The following LRRK1 variants were observed in gnomAD, a reference collection of about 807,000 sequenced individuals.
LRRK1 encodes the protein leucine rich repeat kinase 1.
In LRRK1, 113 loss-of-function variants were observed where a neutral mutation model predicts 209.1. The observed-to-expected ratio is 0.54, with a 90% CI of 0.46 to 0.63. The LOEUF (loss-of-function observed/expected upper bound fraction) is 0.63. LRRK1 is among the 30% of genes least tolerant of loss of function. The pLI is 0.00. For synonymous variants in LRRK1, 1,144 were observed against 1,099.7 expected, an observed-to-expected ratio of 1.04 and a Z score of -0.80; for missense variants, 2,284 against 2,632.2, an observed-to-expected ratio of 0.87 and a Z score of 2.89.
chr15:100,975,054 G>T (rs2031209508), intron 3 of LRRK1, among the ~76,000 whole-genome samples: 1 of 152,238 alleles, frequency 6.6e-6, no homozygotes, highest in Non-Finnish European at 1.5e-5. Flanking sequence ...CTTGGGAATT[G>T]TTAAGCAGAA....
intron 4 of LRRK1, among the ~76,000 whole-genome samples, chr15:100,986,768 G>A (rs921025469): frequency 6.6e-6 from 1 of 152,166 alleles, no homozygotes; most frequent in East Asian, 1.9e-4. Flanking sequence ...AAGTAAACAA[G>A]CCTGTTTAAG....
intron 10 of LRRK1, among the ~76,000 whole-genome samples, chr15:101,014,099 G>A (rs886266482): frequency 2.0e-5 from 3 of 152,086 alleles, no homozygotes; most frequent in African/African-American, 7.2e-5. Context: ...CTTTGAGGGA[G>A]GAGCTCCTGT....
chr15:100,999,744 T>G lies in LRRK1; in HGVS notation c.763-9093T>G, dbSNP rs148919513. The stretch of plus-strand genomic sequence containing the variant: ...CCTTGTTTGTTTCATACAATGTTTG[T>G]TTTTTCTCTGATCGTGTCACTGATG... On this transcript the variant is annotated intron_variant, in intron 6 of 33. Coordinates refer to ENST00000388948, the MANE Select transcript of LRRK1 (RefSeq NM_024652.6). 7.5e-3 allele frequency among the ~76,000 whole-genome samples: 1,137 copies of G among 152,374 alleles called. 14 individuals are homozygous for G. Among genetic ancestry groups the G allele is most frequent in the African/African-American group, 0.026 (1,091 of 41,582 alleles).
In LRRK1 at chr15:101,024,663, A is replaced by T; in HGVS notation, c.2068-140A>T. On this transcript the variant is annotated intron_variant, in intron 15 of 33. Coordinates refer to ENST00000388948, the MANE Select transcript of LRRK1 (RefSeq NM_024652.6). The surrounding 1 kb of genome is among the most constrained non-coding windows in gnomAD (Gnocchi z 4.6). ...CCAGATAACTGTTTCCTAAGAAACA[A>T]TAGAGTGTCCAGAACTTTTCCACGG... is the stretch of plus-strand genomic sequence containing the variant. The T allele has an allele frequency of 1.1e-6, 1 of 894,344 alleles. No individual in the cohort carries two copies. Among genetic ancestry groups the T allele is most frequent in the Non-Finnish European group, 1.7e-6 (1 of 583,482 alleles). The allele number at this position is 894,344 out of a possible 1,614,324, so 55.4% of individuals were successfully genotyped here. A position where few individuals can be genotyped will look rare whatever the true frequency, so the allele number is the denominator to read the frequency against.
Position 101,066,069 on chromosome 15 carries a change from TCA to T in LRRK1, c.5633_5634del (p.Ser1878Ter). ...GCCTTTCTCCACCGACTGCGAGGAC[TCA>T]GACATGCTACATACGCCCGGTGCTG... ...SVPFSTDCED[S>X]DMLHTPGAAS... On this transcript the variant is annotated frameshift_variant, in exon 32 of 34. Transcript: ENST00000388948. LOFTEE classifies it high-confidence loss of function. 1 of 1,614,132 alleles carries T rather than the reference TCA, an allele frequency of 6.2e-7. No individual in the cohort carries two copies. The highest frequency in any genetic ancestry group is 8.5e-7 in the Non-Finnish European group (1 of 1,180,030).
rs1199794137 is a variant in LRRK1, at chr15:101,074,496, C to A, written c.*5648C>A. On this transcript the variant is annotated 3_prime_UTR_variant, in exon 34 of 34. Transcript: ENST00000388948. ...CCAGCCCAGTTCATGCCTCGTTTGG[C>A]AGCAACCCTGAGACACTTTACGGCC... is the stretch of plus-strand genomic sequence containing the variant. The A allele has an allele frequency of 1.3e-5, 2 of 152,158 alleles. No individual in the cohort carries two copies. Among genetic ancestry groups the A allele is most frequent in the Non-Finnish European group, 2.9e-5 (2 of 68,032 alleles). 9.4% of individuals were successfully genotyped at this position (152,158 alleles called of 1,614,324 possible).
rs2037031803 is a variant in LRRK1, at chr15:101,077,747, C to G, written c.*8899C>G. 1 of 152,132 alleles carries G rather than the reference C, an allele frequency of 6.6e-6. No individual in the cohort carries two copies. The highest frequency in any genetic ancestry group is 6.6e-5 in the Admixed American group (1 of 15,264). 9.4% of individuals were successfully genotyped at this position (152,132 alleles called of 1,614,324 possible). ...AGCCCTGAGAAACATCGCCCATTCT[C>G]TCTCTCCACACCGCCCCCCAAAAAT... On this transcript the variant is annotated 3_prime_UTR_variant, in exon 34 of 34. Transcript: ENST00000388948.
intron 1 of LRRK1, among the ~76,000 whole-genome samples, chr15:100,924,276 T>G (rs2042069468): frequency 6.6e-6 from 1 of 152,162 alleles, no homozygotes. Context: ...TGTTTTCCAA[T>G]TGTCTGGGGT....
intron 4 of LRRK1, among the ~76,000 whole-genome samples, chr15:100,987,012 G>A (rs998727357): frequency 6.6e-6 from 1 of 152,192 alleles, no homozygotes; most frequent in African/African-American, 2.4e-5. Flanking sequence ...CTCAACAGAA[G>A]TTACTAGCAT....
intron 23 of LRRK1, among the ~76,000 whole-genome samples, chr15:101,050,485 C>G (rs1355069858): frequency 6.6e-6 from 1 of 151,550 alleles, no homozygotes; most frequent in East Asian, 1.9e-4. Context: ...GCCCTGAACG[C>G]TGGAGGCCAA....
intron 2 of LRRK1, among the ~76,000 whole-genome samples, chr15:100,933,028 T>C (rs1247330744): frequency 6.6e-6 from 1 of 152,212 alleles, no homozygotes; most frequent in East Asian, 1.9e-4. Context: ...CACCCAGGAC[T>C]CTTACTTTGC....
chr15:100,973,948 G>C lies in LRRK1; in HGVS notation c.242G>C (p.Cys81Ser). The C allele has an allele frequency of 4.0e-6, 5 of 1,252,014 alleles. No individual in the cohort carries two copies. Among genetic ancestry groups the C allele is most frequent in the Non-Finnish European group, 5.0e-6 (5 of 992,708 alleles). 77.6% of individuals were successfully genotyped at this position (1,252,014 alleles called of 1,614,324 possible). Residue 81 changes from cysteine to serine, a missense_variant, in exon 3 of 34, where the codon TGC (cysteine) becomes TCC (serine). By Grantham distance (112) the Cys-to-Ser change is moderately radical. Transcript: ENST00000388948. The stretch of plus-strand genomic sequence containing the variant: ...CTGCTGGAGGAGGCCTGCGACCAGT[G>C]CGCGTCCCAGCTGGAAAAGGTAGGG... ...RDLLEEACDQCASQLEKGQLL... is the reference protein window; with the variant it reads ...RDLLEEACDQSASQLEKGQLL...
chr15:100,998,911 G>T (rs1481013337), intron 6 of LRRK1, among the ~76,000 whole-genome samples: 16 of 152,194 alleles, frequency 1.1e-4, no homozygotes, highest in Non-Finnish European at 2.9e-5. Flanking sequence ...TAGATGGATG[G>T]ATGAATGAAT....
chr15:100,985,899 G>A (rs1281421031), intron 4 of LRRK1, among the ~76,000 whole-genome samples: 1 of 152,160 alleles, frequency 6.6e-6, no homozygotes, highest in Non-Finnish European at 1.5e-5. Flanking sequence ...GTCAAGACAA[G>A]AAGACAAACA....
At chr15:100,987,436 A>G (rs1444829104) in intron 4 of LRRK1, among the ~76,000 whole-genome samples, 1 of 152,106 alleles carries the variant, frequency 6.6e-6, no homozygotes, top group Non-Finnish European at 1.5e-5. Context: ...TTCAGCCCAC[A>G]CTGCCCCCGT....
intron 3 of LRRK1, among the ~76,000 whole-genome samples, chr15:100,982,100 C>T (rs1186716666): frequency 2.6e-5 from 4 of 151,822 alleles, no homozygotes; most frequent in African/African-American, 4.8e-5. Flanking sequence ...CCCACTCTCA[C>T]ACACAGTAGA....
At chr15:100,950,870 A>G (rs12440162) in intron 2 of LRRK1, among the ~76,000 whole-genome samples, 23,304 of 152,100 alleles carry the variant, frequency 0.15, 2,329 homozygotes, top group East Asian at 0.46. Flanking sequence ...TTGGGAGGCC[A>G]AGGCGGGCAG....
intron 2 of LRRK1, 104 bp from the exon 3 acceptor site, chr15:100,973,700 T>C: frequency 8.9e-7 from 1 of 1,124,506 alleles, no homozygotes; most frequent in East Asian, 3.2e-5. Context: ...GCCCCCGCGA[T>C]CGTGCAACGG....
In LRRK1 at chr15:101,028,938, T is replaced by C; in HGVS notation, c.2687-18T>C. 1 of 1,611,734 alleles carries C rather than the reference T, an allele frequency of 6.2e-7. No homozygotes were observed. Among genetic ancestry groups the C allele is most frequent in the Non-Finnish European group, 8.5e-7 (1 of 1,178,764 alleles). On this transcript the variant is annotated intron_variant, in intron 19 of 33. Coordinates refer to ENST00000388948, the MANE Select transcript of LRRK1 (RefSeq NM_024652.6). ...CCTTTGTCTAACTGCTGCTTCCTCC[T>C]CTCCTTGCCTGGGGCAGCCATCAGC...
Sources: allele counts gnomAD v4.1 joint callset (sites outside exome capture counted in the v4.1 genomes callset), GRCh38; gene constraint gnomAD v4.1.1; non-coding constraint Gnocchi (gnomAD v3.1); transcripts MANE v1.5; gene names NCBI Gene and HGNC (gene_info 2026-07-23, HGNC 2026-07-21).